The following USP8 variants were observed in gnomAD, a reference collection of about 807,000 sequenced individuals.
USP8 encodes the protein ubiquitin carboxyl-terminal hydrolase 8.
A neutral mutation model predicts 130.0 loss-of-function variants in USP8; 27 were observed. That is an observed-to-expected ratio of 0.21 (90% CI 0.15 to 0.29). The LOEUF is 0.29. USP8 is among the 10% of genes least tolerant of loss of function. The probability of loss-of-function intolerance (pLI) is 1.00; values close to 1 mark genes in which losing one functional copy is unlikely to be tolerated. For missense variants in USP8, 1,029 were observed against 1,312.2 expected (o/e 0.78, Z 3.33); for synonymous variants, 392 against 444.1 (o/e 0.88, Z 1.48).
intron 7 of USP8, among the ~76,000 whole-genome samples, chr15:50,469,369 A>C (rs2141289661): frequency 6.6e-6 from 1 of 152,272 alleles, no homozygotes; most frequent in East Asian, 1.9e-4. Flanking sequence ...TAAAAGACAG[A>C]AGTTTGAGAA....
chr15:50,451,630 CTTTTCACTGT>C (rs1005164786), intron 4 of USP8, among the ~76,000 whole-genome samples: 2 of 152,110 alleles, frequency 1.3e-5, no homozygotes, highest in Non-Finnish European at 1.5e-5. Context: ...TGTGGAGAAC[CTTTTCACTGT>C]TTTTCTCCCT....
chr15:50,450,255 C>A (rs2050583604), intron 4 of USP8, among the ~76,000 whole-genome samples: 1 of 151,894 alleles, frequency 6.6e-6, no homozygotes, highest in Non-Finnish European at 1.5e-5. Flanking sequence ...TTCAATTCTT[C>A]ATATGTTCTT....
intron 4 of USP8, among the ~76,000 whole-genome samples, chr15:50,458,338 A>G (rs1434834119): frequency 2.0e-5 from 3 of 152,142 alleles, no homozygotes; most frequent in African/African-American, 7.2e-5. Flanking sequence ...TTTAGTAGAG[A>G]TGGGATTTCA....
At chr15:50,447,041 G>T (rs1214410216) in intron 3 of USP8, among the ~76,000 whole-genome samples, 2 of 152,070 alleles carry the variant, frequency 1.3e-5, no homozygotes, top group African/African-American at 4.8e-5. Flanking sequence ...ATACTTTTTT[G>T]AAATTAAAAA....
intron 2 of USP8, among the ~76,000 whole-genome samples, chr15:50,441,141 G>T (rs149781266): frequency 5.9e-5 from 9 of 152,264 alleles, no homozygotes; most frequent in Non-Finnish European, 1.0e-4. Context: ...AATGGGGAGT[G>T]ACTGTAAATA....
At chr15:50,495,486 AGG>A (rs553634288) in intron 16 of USP8, among the ~76,000 whole-genome samples, 53 of 106,838 alleles carry the variant, frequency 5.0e-4, no homozygotes, top group Admixed American at 4.9e-3. Context: ...TAGAGATTGG[AGG>A]GGGGGGTCTC....
At chr15:50,460,647 G>T (rs535971618) in intron 5 of USP8, among the ~76,000 whole-genome samples, 1 of 152,098 alleles carries the variant, frequency 6.6e-6, no homozygotes, top group South Asian at 2.1e-4. Context: ...ACTACTTGTG[G>T]TCTTTTCAGC....
intron 4 of USP8, among the ~76,000 whole-genome samples, chr15:50,457,174 C>T (rs561326055): frequency 6.6e-6 from 1 of 152,154 alleles, no homozygotes; most frequent in South Asian, 2.1e-4. Context: ...ATATGTGAAG[C>T]TGGCACAGTT....
chr15:50,454,274 A>G (rs1174021700), intron 4 of USP8, among the ~76,000 whole-genome samples: 2 of 151,770 alleles, frequency 1.3e-5, no homozygotes, highest in Non-Finnish European at 2.9e-5. Flanking sequence ...TCTGGCCTCC[A>G]TTGTTTCTGA....
chr15:50,481,540 A>G lies in USP8; in HGVS notation c.1278A>G (p.Glu426=). Residue 426 remains glutamate (E), a synonymous_variant, in exon 11 of 20, where the codon GAA becomes GAG. Transcript: ENST00000307179. ...CTGAAGAGCATAGAATAAAATCTGA[A>G]AGTACAAACCATGAGCAACAATCTC... ...KLPEEHRIKS[E]STNHEQQSPQ... is the part of the protein sequence containing the mutation. 6.2e-7 allele frequency: 1 copy of G among 1,610,602 alleles called. No homozygotes were observed. The highest frequency in any genetic ancestry group is 8.5e-7 in the Non-Finnish European group (1 of 1,179,238).
intron 1 of USP8, among the ~76,000 whole-genome samples, chr15:50,430,338 C>T (rs961399443): frequency 2.6e-5 from 4 of 151,958 alleles, no homozygotes; most frequent in Non-Finnish European, 4.4e-5. Flanking sequence ...CAGAGTGAGA[C>T]GTCATCTCAA....
At chr15:50,450,056 G>T (rs1339594997) in intron 4 of USP8, among the ~76,000 whole-genome samples, 1 of 150,562 alleles carries the variant, frequency 6.6e-6, no homozygotes. Context: ...ACCTCACCCG[G>T]CTAATTTTTT....
In USP8 at chr15:50,465,075, A is replaced by G. The variant is rs1483139474; in HGVS notation, c.570A>G (p.Thr190=). ...KGAITAKELY[T]MMTDKNISLI... is the part of the protein sequence containing the mutation. Reference sequence around the variant, plus strand: ...CAATCACAGCAAAGGAACTATACACAATGATGACGGATAAAAACATCAGCT... The same window carrying G: ...CAATCACAGCAAAGGAACTATACACGATGATGACGGATAAAAACATCAGCT... The change falls in exon 7 of 20, where the codon ACA becomes ACG. Residue 190 remains threonine (T), a synonymous_variant. Coordinates refer to ENST00000307179, the MANE Select transcript of USP8 (RefSeq NM_005154.5). 6.2e-7 allele frequency: 1 copy of G among 1,614,126 alleles called. No homozygotes were observed.
At chr15:50,496,141 G>A (rs754041563) in intron 17 of USP8, 57 bp downstream of exon 17, 22 of 1,345,340 alleles carry the variant, frequency 1.6e-5, no homozygotes, top group Admixed American at 2.1e-5. Flanking sequence ...TGTTTTTATG[G>A]ATATAGAGAT....
intron 7 of USP8, among the ~76,000 whole-genome samples, chr15:50,471,185 G>A (rs2051364864): frequency 1.3e-5 from 2 of 152,174 alleles, no homozygotes; most frequent in Non-Finnish European, 1.5e-5. Flanking sequence ...TCTGGCACAT[G>A]GTAAATGCTA....
At chr15:50,464,479 C>G (rs2051113671) in intron 6 of USP8, among the ~76,000 whole-genome samples, 1 of 152,058 alleles carries the variant, frequency 6.6e-6, no homozygotes, top group Admixed American at 6.6e-5. Context: ...GAGTCAATAC[C>G]AGGTGTAGCT....
chr15:50,425,705 A>C (rs1345387095), intron 1 of USP8, among the ~76,000 whole-genome samples: 1 of 152,330 alleles, frequency 6.6e-6, no homozygotes, highest in South Asian at 2.1e-4. Context: ...GCACATAGAC[A>C]TCTGTTTTTT....
chr15:50,445,393 A>C (rs1406409955), intron 3 of USP8, among the ~76,000 whole-genome samples: 1 of 145,386 alleles, frequency 6.9e-6, no homozygotes, highest in South Asian at 2.2e-4. Context: ...TAAAAATACA[A>C]AAATTAGCAG....
chr15:50,513,722 T>TC lies in USP8; in HGVS notation c.*14634_*14635insC, dbSNP rs147473538. 23,226 of 152,160 alleles carry TC rather than the reference T, an allele frequency of 0.15. 2,328 individuals are homozygous for TC. Among genetic ancestry groups the TC allele is most frequent in the Admixed American group, 0.28 (4,331 of 15,268 alleles). The allele number at this position is 152,160 out of a possible 1,614,324, so 9.4% of individuals were successfully genotyped here. ...TATTTAAACCACAATGCCATTCTAC[T>TC]ATATGGGCAACCAGAAGGGCCAAAA... On this transcript the variant is annotated 3_prime_UTR_variant, in exon 20 of 20. Coordinates refer to ENST00000307179, the MANE Select transcript of USP8 (RefSeq NM_005154.5).
Sources: gnomAD v4.1 joint callset for allele counts (sites outside exome capture counted in the v4.1 genomes callset) on GRCh38, gnomAD v4.1.1 for gene constraint, MANE v1.5 for transcripts, NCBI Gene and HGNC (gene_info 2026-07-23, HGNC 2026-07-21) for gene names.